The following FHIT variants were observed in gnomAD, a reference collection of about 807,000 sequenced individuals.
The protein encoded by FHIT is bis(5'-adenosyl)-triphosphatase.
Under a neutral mutation model 17.9 loss-of-function variants are expected in FHIT, and 19 were observed. That is an observed-to-expected ratio of 1.06 (90% confidence interval 0.74 to 1.56). The LOEUF (loss-of-function observed/expected upper bound fraction) is 1.56, where lower values mean the gene tolerates loss of function less well. Among genes scored for constraint, FHIT ranks in the 40% most tolerant of loss-of-function variants. The pLI, the probability that FHIT is intolerant of heterozygous loss-of-function variation, is 0.00. For synonymous variants in FHIT, 81 were observed against 69.7 expected (o/e 1.16, Z -0.81); for missense variants, 248 against 189.2 (o/e 1.31, Z -1.82).
chr3:60,935,309 AC>A (rs1232431823), intron 3 of FHIT, among the ~76,000 whole-genome samples: 1 of 152,242 alleles, frequency 6.6e-6, no homozygotes, highest in Non-Finnish European at 1.5e-5. Context: ...CTGTGATAAC[AC>A]TAGAGAAATA....
intron 4 of FHIT, among the ~76,000 whole-genome samples, chr3:60,721,374 G>C (rs1280201090): frequency 6.6e-6 from 1 of 151,642 alleles, no homozygotes; most frequent in Non-Finnish European, 1.5e-5. Flanking sequence ...TATTGCCAAA[G>C]AAGCTTTATC....
intron 8 of FHIT, among the ~76,000 whole-genome samples, chr3:59,885,597 G>A (rs1703589515): frequency 6.6e-6 from 1 of 152,096 alleles, no homozygotes; most frequent in Non-Finnish European, 1.5e-5. Flanking sequence ...CTTTTCAAGA[G>A]CCAGCTTCAC....
intron 5 of FHIT, among the ~76,000 whole-genome samples, chr3:60,122,202 G>A (rs780431301): frequency 4.1e-4 from 63 of 152,040 alleles, no homozygotes; most frequent in Non-Finnish European, 6.3e-4. Flanking sequence ...CTAGAAAGAA[G>A]TGTTCAGCAT....
At chr3:60,233,927 C>T (rs115435548) in intron 5 of FHIT, among the ~76,000 whole-genome samples, 2,179 of 152,242 alleles carry the variant, frequency 0.014, 38 homozygotes, top group Non-Finnish European at 0.02. Context: ...TCCCCAACCA[C>T]GTGGAACTGT....
chr3:61,119,780 C>T (rs1371604160), intron 2 of FHIT, among the ~76,000 whole-genome samples: 1 of 152,210 alleles, frequency 6.6e-6, no homozygotes, highest in Non-Finnish European at 1.5e-5. Flanking sequence ...TCAGCCTTCT[C>T]CCGCCCTTGG....
intron 5 of FHIT, among the ~76,000 whole-genome samples, chr3:60,304,010 T>C (rs922503980): frequency 2.0e-5 from 3 of 152,142 alleles, no homozygotes; most frequent in African/African-American, 7.2e-5. Flanking sequence ...ACAGCTTGCT[T>C]TCATTTTGAT....
chr3:59,788,245 C>G (rs964529656), intron 8 of FHIT, among the ~76,000 whole-genome samples: 1 of 152,168 alleles, frequency 6.6e-6, no homozygotes, highest in African/African-American at 2.4e-5. Flanking sequence ...CGAGGCTGCC[C>G]TCCTCTAGTG....
Position 60,337,212 on chromosome 3 carries a change from A to G in FHIT, c.103+199648T>C, listed in dbSNP as rs561425243. Among the ~76,000 whole-genome samples the G allele has an allele frequency of 2.6e-5, 4 of 152,270 alleles. No homozygotes were observed. The South Asian group carries it at 8.3e-4, about 32-fold the overall frequency. The stretch of plus-strand genomic sequence containing the variant: ...AGGGAATGCATACTTTTTTATCGAA[A>G]GGTAGGAAAAATCGCAAGGTGTGCC... On this transcript the variant is annotated intron_variant, in intron 5 of 9. Transcript: ENST00000492590.
intron 4 of FHIT, among the ~76,000 whole-genome samples, chr3:60,612,797 T>A (rs2038826662): frequency 1.3e-5 from 2 of 152,140 alleles, no homozygotes; most frequent in South Asian, 4.2e-4. Flanking sequence ...ACCACTCCCA[T>A]CTCCTCAGGC....
intron 8 of FHIT, among the ~76,000 whole-genome samples, chr3:59,863,153 G>T (rs1575605089): frequency 6.6e-6 from 1 of 152,188 alleles, no homozygotes; most frequent in Non-Finnish European, 1.5e-5. Context: ...AGAAACCTGG[G>T]TCAATGCTTG....
At chr3:61,176,436 C>T (rs972747490) in intron 2 of FHIT, among the ~76,000 whole-genome samples, 1 of 152,148 alleles carries the variant, frequency 6.6e-6, no homozygotes, top group Non-Finnish European at 1.5e-5. Context: ...ACATCAATAC[C>T]TCTTCTTTTT....
chr3:61,116,626 T>C (rs552388264), intron 2 of FHIT, among the ~76,000 whole-genome samples: 16 of 152,266 alleles, frequency 1.1e-4, no homozygotes, highest in African/African-American at 3.9e-4. Context: ...AGGTAGTTAC[T>C]ATGGTACATA....
chr3:60,574,823 C>T (rs147798246), intron 4 of FHIT, among the ~76,000 whole-genome samples: 119 of 151,988 alleles, frequency 7.8e-4, no homozygotes, highest in Admixed American at 1.4e-3. Context: ...TGCAGACGAT[C>T]CCAGCCTTCC....
chr3:59,838,686 C>T (rs1701423418), intron 8 of FHIT, among the ~76,000 whole-genome samples: 1 of 152,186 alleles, frequency 6.6e-6, no homozygotes, highest in African/African-American at 2.4e-5. Context: ...TGTGTAACCC[C>T]TCTGTGTCTC....
chr3:61,040,978 C>A (rs970990450), intron 3 of FHIT, among the ~76,000 whole-genome samples: 1 of 152,188 alleles, frequency 6.6e-6, no homozygotes, highest in Non-Finnish European at 1.5e-5. Flanking sequence ...CCTGCCTCCC[C>A]TTCCTCCCCT....
intron 5 of FHIT, among the ~76,000 whole-genome samples, chr3:60,266,933 A>C (rs1706606007): frequency 6.6e-6 from 1 of 152,116 alleles, no homozygotes; most frequent in Non-Finnish European, 1.5e-5. Flanking sequence ...GAGAAATCAA[A>C]AGTCAGGCAG....
At chr3:59,811,751 C>T (rs1304484081) in intron 8 of FHIT, among the ~76,000 whole-genome samples, 1 of 152,134 alleles carries the variant, frequency 6.6e-6, no homozygotes, top group African/African-American at 2.4e-5. Context: ...AGCTCTGGGT[C>T]ACTAGAGTAA....
chr3:60,768,705 A>G (rs782172498), intron 4 of FHIT, among the ~76,000 whole-genome samples: 3 of 152,172 alleles, frequency 2.0e-5, no homozygotes, highest in Non-Finnish European at 4.4e-5. Flanking sequence ...GGAAACAGAA[A>G]CCTGTCATGC....
chr3:61,160,855 AGCTTT>A (rs1308002584), intron 2 of FHIT, among the ~76,000 whole-genome samples: 1 of 152,224 alleles, frequency 6.6e-6, no homozygotes, highest in Non-Finnish European at 1.5e-5. Context: ...CTTACATAAA[AGCTTT>A]GCTTGAAAGA....
Sources: allele counts gnomAD v4.1 joint callset (sites outside exome capture counted in the v4.1 genomes callset), GRCh38; gene constraint gnomAD v4.1.1; transcripts MANE v1.5; gene names NCBI Gene and HGNC (gene_info 2026-07-23, HGNC 2026-07-21).